Variants in CORIN observed in about 807,000 individuals in gnomAD.
CORIN encodes the protein atrial natriuretic peptide-converting enzyme.
In CORIN, 117 loss-of-function variants were observed where a neutral mutation model predicts 125.3. The ratio of observed to expected loss-of-function variants is 0.93; its 90% CI spans 0.80 to 1.09. The LOEUF is 1.09. Ranked by LOEUF, CORIN falls within the 50% of genes least tolerant of loss-of-function variation. The pLI, the probability that CORIN is intolerant of heterozygous loss-of-function variation, is 0.00. For missense variants in CORIN, 1,253 were observed against 1,306.7 expected (o/e 0.96, Z 0.63); for synonymous variants, 450 against 466.4 (o/e 0.96, Z 0.45).
chr4:47,626,714 C>A (rs1479507830), intron 16 of CORIN, among the ~76,000 whole-genome samples, 193 bp from the exon 17 acceptor site: 1 of 152,166 alleles, frequency 6.6e-6, no homozygotes, highest in East Asian at 1.9e-4. Context: ...GTTTGAACTG[C>A]ATGAGGTGTT....
Position 47,786,912 on chromosome 4 carries a change from C to A in CORIN, c.222G>T (p.Lys74Asn), listed in dbSNP as rs1049371903. 6.2e-7 allele frequency: 1 copy of A among 1,610,888 alleles called. No homozygotes were observed. The highest frequency in any genetic ancestry group is 1.7e-5 in the Admixed American group (1 of 59,882). The part of the protein sequence containing the change: ...ILLSYVGTLQ[K>N]VYFKSNGSEP... The stretch of plus-strand genomic sequence containing the variant: ...CACTCCCATTTGATTTAAAATAGAC[C>A]TTTTGTAATGTTCCTGAAAGACAAA... Residue 74 changes from lysine (K) to asparagine (N), a missense_variant, in exon 3 of 22, where the codon AAG (lysine) becomes AAT (asparagine). Lys to Asn is a moderately conservative substitution (Grantham distance 94). Transcript: ENST00000273857.
rs1020205956 is a variant in CORIN at position 47,825,340 on chromosome 4, C to T, written c.63+12547G>A. Among the ~76,000 whole-genome samples the T allele has an allele frequency of 3.3e-5, 5 of 152,182 alleles. No homozygotes were observed. In the East Asian group the frequency reaches 9.6e-4, roughly 29 times the overall value. ...CTTGCAGGCGAGGTATTCTGCCGGG[C>T]TTTCCCACACCACACCTATCTGCGG... On this transcript the variant is annotated intron_variant, in intron 1 of 21. Coordinates refer to ENST00000273857, the MANE Select transcript of CORIN (RefSeq NM_006587.4).
intron 12 of CORIN, among the ~76,000 whole-genome samples, chr4:47,655,351 G>A (rs1194450350): frequency 6.6e-6 from 1 of 152,168 alleles, no homozygotes; most frequent in Non-Finnish European, 1.5e-5. Context: ...CCACAGCGGG[G>A]TAGAACATCA....
intron 19 of CORIN, among the ~76,000 whole-genome samples, chr4:47,609,834 T>G (rs1560470970): frequency 6.6e-6 from 1 of 152,152 alleles, no homozygotes; most frequent in African/African-American, 2.4e-5. Flanking sequence ...CAGCTCCCAC[T>G]TATCAGTGAG....
At chr4:47,660,729 G>A (rs928762974) in intron 12 of CORIN, among the ~76,000 whole-genome samples, 12 of 152,312 alleles carry the variant, frequency 7.9e-5, no homozygotes, top group African/African-American at 2.9e-4. Flanking sequence ...CTATTGGTGA[G>A]AATGCAAATT....
chr4:47,793,594 T>C (rs1233522146), intron 2 of CORIN, among the ~76,000 whole-genome samples: 1 of 152,148 alleles, frequency 6.6e-6, no homozygotes, highest in Non-Finnish European at 1.5e-5. Flanking sequence ...AAGAAAGCAT[T>C]GCTGGCACCA....
At position 47,594,159 on chromosome 4, in the gene CORIN, C is replaced by T. The variant is rs980715669; in HGVS notation, c.*1562G>A. 5 of 152,164 alleles carry T rather than the reference C, an allele frequency of 3.3e-5. No individual in the cohort carries two copies. Among genetic ancestry groups the T allele is most frequent in the African/African-American group, 4.8e-5 (2 of 41,410 alleles). 9.4% of individuals were successfully genotyped at this position (152,164 alleles called of 1,614,324 possible). On this transcript the variant is annotated 3_prime_UTR_variant, in exon 22 of 22. Coordinates refer to ENST00000273857, the MANE Select transcript of CORIN (RefSeq NM_006587.4). ...ATATGTTCTTGAACTTTCATACAAT[C>T]GTGACCACAATTCAGTTGCTGGATT...
intron 1 of CORIN, among the ~76,000 whole-genome samples, chr4:47,819,620 G>A (rs1649691076): frequency 6.6e-6 from 1 of 152,132 alleles, no homozygotes; most frequent in Admixed American, 6.5e-5. Context: ...CCCAAAAATG[G>A]GAAGGATAAC....
At chr4:47,678,692 A>G (rs1403381373) in intron 8 of CORIN, among the ~76,000 whole-genome samples, 1 of 152,222 alleles carries the variant, frequency 6.6e-6, no homozygotes, top group Non-Finnish European at 1.5e-5. Context: ...TCTAATTCCT[A>G]TCGGTTCTCT....
At chr4:47,721,199 CTCTA>C (rs1334146503) in intron 5 of CORIN, among the ~76,000 whole-genome samples, 4 of 152,058 alleles carry the variant, frequency 2.6e-5, no homozygotes, top group African/African-American at 9.7e-5. Flanking sequence ...CACAAGAGCG[CTCTA>C]TCTCTTACTC....
At chr4:47,819,918 C>A (rs1732434322) in intron 1 of CORIN, among the ~76,000 whole-genome samples, 1 of 152,108 alleles carries the variant, frequency 6.6e-6, no homozygotes, top group Non-Finnish European at 1.5e-5. Context: ...AGAATGCTAC[C>A]AAATACAGAA....
At position 47,600,242 on chromosome 4, in the gene CORIN, T is replaced by C. The variant is rs774288007; in HGVS notation, c.2918A>G (p.Tyr973Cys). 5.0e-5 allele frequency: 81 copies of C among 1,613,548 alleles called. No homozygotes were observed. Among genetic ancestry groups the C allele is most frequent in the South Asian group, 1.8e-4 (16 of 90,996 alleles). ...TITTRMICAG[Y>C]ESGTVDSCMG... The stretch of plus-strand genomic sequence containing the variant: ...GCATGAATCAACTGTGCCAGACTCA[T>C]AGCCAGCACATATCATCCGAGTGGT... Residue 973 changes from tyrosine to cysteine, a missense_variant, in exon 21 of 22, where the codon TAT becomes TGT. Tyr to Cys is a radical substitution (Grantham distance 194, BLOSUM62 -2). Coordinates refer to ENST00000273857, the MANE Select transcript of CORIN (RefSeq NM_006587.4).
At chr4:47,831,185 A>G (rs1732976162) in intron 1 of CORIN, among the ~76,000 whole-genome samples, 5 of 152,250 alleles carry the variant, frequency 3.3e-5, no homozygotes, top group Admixed American at 3.3e-4. Context: ...TTAAGCATTG[A>G]CACTGCATTT....
At position 47,763,382 on chromosome 4, in the gene CORIN, T is replaced by G; in HGVS notation, c.614A>C (p.Asp205Ala). The G allele has an allele frequency of 6.2e-7, 1 of 1,612,460 alleles. No homozygotes were observed. Among genetic ancestry groups the G allele is most frequent in the Non-Finnish European group, 8.5e-7 (1 of 1,178,922 alleles). Residue 205 changes from aspartate (D) to alanine (A), a missense_variant, in exon 4 of 22, where the codon GAC (aspartate) becomes GCC (alanine). Physicochemically the swap from Asp to Ala is moderately radical, Grantham distance 126 (BLOSUM62 -2). Coordinates refer to ENST00000273857, the MANE Select transcript of CORIN (RefSeq NM_006587.4). ...AATAATCTGGGTTCCGAAATACCTG[T>G]CATCGCCATCAATGATGCACTCAGG... ...AFPECIIDGDDSHGLLPCRSF... is the reference protein window; with the variant it reads ...AFPECIIDGDASHGLLPCRSF...
intron 19 of CORIN, among the ~76,000 whole-genome samples, chr4:47,619,594 A>G (rs1412880734): frequency 1.3e-5 from 2 of 152,222 alleles, no homozygotes; most frequent in African/African-American, 4.8e-5. Flanking sequence ...TTAGTGTTTC[A>G]TGAAACTTAC....
intron 3 of CORIN, among the ~76,000 whole-genome samples, chr4:47,779,419 C>T (rs1275622573): frequency 1.3e-5 from 2 of 151,752 alleles, no homozygotes; most frequent in East Asian, 1.9e-4. Flanking sequence ...CTCTTAGCTG[C>T]ATATTCTTTT....
At chr4:47,689,343 T>G (rs183473993) in intron 6 of CORIN, among the ~76,000 whole-genome samples, 6 of 152,172 alleles carry the variant, frequency 3.9e-5, no homozygotes, top group Non-Finnish European at 8.8e-5. Flanking sequence ...CTGAAGAAAC[T>G]GAGGCACAGA....
In CORIN at chr4:47,692,645, A is replaced by T. The variant is rs555221164; in HGVS notation, c.913+325T>A. ...TGTTGCTATAAAAATGTCCTTTTTT[A>T]AAAAAAATTGACCTTTATACTCATA... On this transcript the variant is annotated intron_variant, in intron 6 of 21. Coordinates refer to ENST00000273857, the MANE Select transcript of CORIN (RefSeq NM_006587.4). Among the ~76,000 whole-genome samples the T allele has an allele frequency of 2.0e-3, 297 of 152,070 alleles. 1 individual carries two copies. The highest frequency in any genetic ancestry group is 6.7e-3 in the African/African-American group (277 of 41,504).
intron 6 of CORIN, among the ~76,000 whole-genome samples, chr4:47,692,585 T>C (rs897378502): frequency 1.3e-5 from 2 of 152,012 alleles, no homozygotes; most frequent in African/African-American, 2.4e-5. Flanking sequence ...TTGTATTTAC[T>C]GTGTCATGAA....
Sources: gnomAD v4.1 joint callset for allele counts (sites outside exome capture counted in the v4.1 genomes callset) on GRCh38, gnomAD v4.1.1 for gene constraint, MANE v1.5 for transcripts, NCBI Gene and HGNC (gene_info 2026-07-23, HGNC 2026-07-21) for gene names.